Variants in TMEM150C observed in about 807,000 individuals in gnomAD.
The protein encoded by TMEM150C is transmembrane protein 150C.
A neutral mutation model predicts 29.9 loss-of-function variants in TMEM150C; 10 were observed. That is an observed-to-expected ratio of 0.33 (90% CI 0.21 to 0.57). The LOEUF (loss-of-function observed/expected upper bound fraction) is 0.57, where lower values mean the gene tolerates loss of function less well. TMEM150C is among the 20% of genes least tolerant of loss of function. The pLI, the probability that TMEM150C is intolerant of heterozygous loss-of-function variation, is 0.88. For synonymous variants in TMEM150C, 101 were observed against 112.5 expected, an observed-to-expected ratio of 0.90 and a Z score of 0.64; for missense variants, 251 against 303.6, an observed-to-expected ratio of 0.83 and a Z score of 1.29.
chr4:82,561,691 C>T (rs927409260), intron 1 of TMEM150C, among the ~76,000 whole-genome samples: 1 of 147,344 alleles, frequency 6.8e-6, no homozygotes, highest in Admixed American at 6.7e-5. Flanking sequence ...GGAGCGTGCG[C>T]CCGCGGAGGG....
At chr4:82,560,960 C>T (rs530394450) in intron 1 of TMEM150C, among the ~76,000 whole-genome samples, 1 of 152,316 alleles carries the variant, frequency 6.6e-6, no homozygotes. Context: ...TTCCATTCTA[C>T]CTGAGCTATG....
At chr4:82,518,017 T>C (rs1724349580) in intron 1 of TMEM150C, among the ~76,000 whole-genome samples, 1 of 152,074 alleles carries the variant, frequency 6.6e-6, no homozygotes, top group Non-Finnish European at 1.5e-5. Flanking sequence ...AAAAATATTC[T>C]CAGAAAGTAG....
At position 82,484,602 on chromosome 4, in the gene TMEM150C, A is replaced by T. The variant is rs1479205311; in HGVS notation, c.*909T>A. 6 of 152,118 alleles carry T rather than the reference A, an allele frequency of 3.9e-5. No individual in the cohort carries two copies. The highest frequency in any genetic ancestry group is 3.9e-4 in the Admixed American group (6 of 15,278). The allele number at this position is 152,118 out of a possible 1,614,324, so 9.4% of individuals were successfully genotyped here. On this transcript the variant is annotated 3_prime_UTR_variant, in exon 8 of 8. Coordinates refer to ENST00000449862, the MANE Select transcript of TMEM150C (RefSeq NM_001080506.3). ...GTGATATTTTCTTAGCTTCCCACGT[A>T]AGCCTGCAGGTGACCTCAGTTTTTC...
chr4:82,535,850 C>A (rs919476306), intron 1 of TMEM150C, among the ~76,000 whole-genome samples: 1 of 152,082 alleles, frequency 6.6e-6, no homozygotes, highest in Admixed American at 6.5e-5. Context: ...GCTGAATAAT[C>A]CCTTGTTGTG....
At chr4:82,516,870 G>C (rs1724311735) in intron 1 of TMEM150C, among the ~76,000 whole-genome samples, 1 of 152,174 alleles carries the variant, frequency 6.6e-6, no homozygotes, top group African/African-American at 2.4e-5. Flanking sequence ...AAATATACCA[G>C]ATCATAGGTT....
At chr4:82,524,786 A>G (rs1033005474) in intron 1 of TMEM150C, among the ~76,000 whole-genome samples, 5 of 152,244 alleles carry the variant, frequency 3.3e-5, no homozygotes, top group African/African-American at 1.2e-4. Flanking sequence ...AGCCCAGAGT[A>G]AGGCAAACAT....
intron 1 of TMEM150C, among the ~76,000 whole-genome samples, chr4:82,513,055 C>T (rs542549354): frequency 2.6e-4 from 40 of 152,318 alleles, no homozygotes; most frequent in South Asian, 6.2e-4. Flanking sequence ...TTGAAGAGAG[C>T]GGCAGATCTC....
intron 1 of TMEM150C, among the ~76,000 whole-genome samples, chr4:82,556,330 T>C (rs953551671): frequency 2.0e-5 from 3 of 152,220 alleles, no homozygotes; most frequent in Non-Finnish European, 2.9e-5. Flanking sequence ...TGGTACTTGT[T>C]ATACATGGAG....
chr4:82,549,113 TTACA>T (rs1378153330), intron 1 of TMEM150C, among the ~76,000 whole-genome samples: 2 of 150,932 alleles, frequency 1.3e-5, no homozygotes, highest in South Asian at 4.2e-4. Flanking sequence ...ATAACCACTG[TTACA>T]TTTGATGTGC....
At chr4:82,519,129 A>G (rs1463017698) in intron 1 of TMEM150C, among the ~76,000 whole-genome samples, 1 of 152,172 alleles carries the variant, frequency 6.6e-6, no homozygotes, top group East Asian at 1.9e-4. Context: ...GACAGTAAAG[A>G]ACAGCAATCT....
At chr4:82,544,166 T>C (rs1725280992) in intron 1 of TMEM150C, among the ~76,000 whole-genome samples, 1 of 152,188 alleles carries the variant, frequency 6.6e-6, no homozygotes, top group Admixed American at 6.5e-5. Context: ...GGGTGCCATG[T>C]CGGTAGCAGA....
chr4:82,545,586 A>G lies in TMEM150C; in HGVS notation c.-11+16320T>C, dbSNP rs115396234. ...AAGAAAATAATAAATAGGAAAAGAAAAAGTCAAACTATCTCTCTTTGTGGG... is the reference window on the plus strand; with the variant it reads ...AAGAAAATAATAAATAGGAAAAGAAGAAGTCAAACTATCTCTCTTTGTGGG... On this transcript the variant is annotated intron_variant, in intron 1 of 7. Transcript: ENST00000449862. Among the ~76,000 whole-genome samples the G allele has an allele frequency of 4.6e-3, 702 of 152,326 alleles. 5 individuals carry two copies. Among genetic ancestry groups the G allele is most frequent in the African/African-American group, 0.016 (670 of 41,564 alleles).
intron 6 of TMEM150C, among the ~76,000 whole-genome samples, chr4:82,492,864 G>GTGTATATATATATA (rs71666742): frequency 5.0e-4 from 45 of 90,256 alleles, no homozygotes; most frequent in African/African-American, 1.5e-3. Flanking sequence ...ATATGTTTGT[G>GTGTATATATATATA]TATATATATA....
Position 82,485,444 on chromosome 4 carries a change from T to A in TMEM150C, c.*67A>T. ...AAATGAGGTTCTATGTCAAGTCCTG[T>A]GAGTGTGTCCTACTGGCCCCTCCCC... On this transcript the variant is annotated 3_prime_UTR_variant, in exon 8 of 8. Transcript: ENST00000449862. 1 of 1,211,094 alleles carries A rather than the reference T, an allele frequency of 8.3e-7. No homozygotes were observed. The highest frequency in any genetic ancestry group is 1.2e-6 in the Non-Finnish European group (1 of 842,118). 75.0% of individuals were successfully genotyped at this position (1,211,094 alleles called of 1,614,324 possible).
chr4:82,544,727 CA>C (rs1725305363), intron 1 of TMEM150C, among the ~76,000 whole-genome samples: 1 of 144,900 alleles, frequency 6.9e-6, no homozygotes, highest in African/African-American at 2.8e-5. Flanking sequence ...TGCAGTGAGC[CA>C]TGTTTGCACC....
intron 1 of TMEM150C, among the ~76,000 whole-genome samples, chr4:82,530,642 C>T (rs1369676332): frequency 6.6e-6 from 1 of 152,204 alleles, no homozygotes; most frequent in Admixed American, 6.5e-5. Context: ...TTTGTCTCCA[C>T]AGAGTGATCA....
chr4:82,545,127 C>A (rs757326580), intron 1 of TMEM150C, among the ~76,000 whole-genome samples: 6 of 152,162 alleles, frequency 3.9e-5, no homozygotes, highest in Non-Finnish European at 5.9e-5. Flanking sequence ...CCCTGATGAA[C>A]ATAGACACAA....
At chr4:82,520,352 A>T (rs1409331935) in intron 1 of TMEM150C, among the ~76,000 whole-genome samples, 1 of 152,180 alleles carries the variant, frequency 6.6e-6, no homozygotes, top group African/African-American at 2.4e-5. Context: ...GTGTCCTCCC[A>T]GTCTTGCTCC....
chr4:82,489,947 T>G (rs1356597542), intron 7 of TMEM150C, 114 bp downstream of exon 7: 2 of 1,099,256 alleles, frequency 1.8e-6, no homozygotes, highest in African/African-American at 3.2e-5. Context: ...TACCTTTGCC[T>G]TAAGATTCTG....
Sources: allele counts gnomAD v4.1 joint callset (sites outside exome capture counted in the v4.1 genomes callset), GRCh38; gene constraint gnomAD v4.1.1; transcripts MANE v1.5; gene names NCBI Gene and HGNC (gene_info 2026-07-23, HGNC 2026-07-21).